CIT: variants seen among roughly 807,000 people sequenced by gnomAD.
CIT encodes the protein citron Rho-interacting kinase.
In CIT, 79 loss-of-function variants were observed where a neutral mutation model predicts 272.7. The observed-to-expected ratio is 0.29, with a 90% CI of 0.24 to 0.35. CIT has a LOEUF of 0.35. Ranked by LOEUF, CIT falls within the 10% of genes least tolerant of loss-of-function variation. CIT has a pLI of 1.00. For synonymous variants in CIT, 948 were observed against 995.6 expected, an observed-to-expected ratio of 0.95 and a Z score of 0.90; for missense variants, 1,909 against 2,618.3, an observed-to-expected ratio of 0.73 and a Z score of 5.91.
At chr12:119,759,209 G>A (rs1354886890) in intron 20 of CIT, among the ~76,000 whole-genome samples, 1 of 152,230 alleles carries the variant, frequency 6.6e-6, no homozygotes, top group Non-Finnish European at 1.5e-5. Flanking sequence ...AGGCCGCACA[G>A]CAGGAGGTGA....
At chr12:119,844,383 A>C (rs544911607) in intron 5 of CIT, among the ~76,000 whole-genome samples, 1 of 152,282 alleles carries the variant, frequency 6.6e-6, no homozygotes, top group African/African-American at 2.4e-5. Context: ...CTTGTAATCA[A>C]ACACACTCAT....
In CIT at chr12:119,758,691, C is replaced by T; in HGVS notation, c.2431G>A (p.Ala811Thr). 2 of 1,609,320 alleles carry T rather than the reference C, an allele frequency of 1.2e-6. No homozygotes were observed. Among genetic ancestry groups the T allele is most frequent in the South Asian group, 2.2e-5 (2 of 90,990 alleles). Residue 811 changes from alanine to threonine, a missense_variant, in exon 21 of 48, where the codon GCT becomes ACT. Physicochemically the swap from Ala to Thr is moderately conservative, Grantham distance 58 (BLOSUM62 0). Around this residue, in one of 8 missense-constraint regions of CIT, gnomAD observed 530 missense variants for 822.4 expected, o/e 0.64. Transcript: ENST00000392521. The part of the protein sequence containing the change: ...ILSEQKAMIN[A>T]MDSKIRSLEQ... Reference sequence around the variant, plus strand: ...AGGGATCTGATCTTGGAATCCATAGCATTGATCATCTGAAACACAGGGCAC... The same window carrying T: ...AGGGATCTGATCTTGGAATCCATAGTATTGATCATCTGAAACACAGGGCAC...
At chr12:119,815,558 T>A (rs1453061236) in intron 9 of CIT, among the ~76,000 whole-genome samples, 1 of 151,848 alleles carries the variant, frequency 6.6e-6, no homozygotes, top group Non-Finnish European at 1.5e-5. Flanking sequence ...AATACAAAAT[T>A]AGCCAAGCAT....
At chr12:119,722,795 T>C (rs920376345) in intron 28 of CIT, among the ~76,000 whole-genome samples, 7 of 152,184 alleles carry the variant, frequency 4.6e-5, no homozygotes, top group African/African-American at 1.7e-4. Context: ...CTCCATCTCC[T>C]TTGTCCTTCT....
rs1387111552 is a variant in CIT at position 119,730,480 on chromosome 12, G to C, written c.3486+15C>G. Reference sequence around the variant, plus strand: ...GAAAATGTTTTCCTAAAAAGCAGAAGGGGTGGGCGCTGACCTTGTCAGAGA... The same window carrying C: ...GAAAATGTTTTCCTAAAAAGCAGAACGGGTGGGCGCTGACCTTGTCAGAGA... On this transcript the variant is annotated intron_variant, in intron 27 of 47. Coordinates refer to ENST00000392521, the MANE Select transcript of CIT (RefSeq NM_001206999.2). 1 of 1,565,306 alleles carries C rather than the reference G, an allele frequency of 6.4e-7. No homozygotes were observed. Among genetic ancestry groups the C allele is most frequent in the Non-Finnish European group, 8.7e-7 (1 of 1,152,226 alleles).
At chr12:119,871,454 A>G (rs112887306) in intron 2 of CIT, among the ~76,000 whole-genome samples, 3 of 152,292 alleles carry the variant, frequency 2.0e-5, no homozygotes, top group African/African-American at 4.8e-5. Flanking sequence ...GGAGAATTTA[A>G]GAAAAACAAA....
intron 3 of CIT, among the ~76,000 whole-genome samples, chr12:119,863,548 G>A (rs1950427846): frequency 1.3e-5 from 2 of 151,726 alleles, no homozygotes; most frequent in Non-Finnish European, 2.9e-5. Flanking sequence ...TTTGTTTTGA[G>A]ACGGAGTCTT....
At chr12:119,788,727 G>A (rs1965027132) in intron 10 of CIT, among the ~76,000 whole-genome samples, 1 of 152,084 alleles carries the variant, frequency 6.6e-6, no homozygotes, top group Non-Finnish European at 1.5e-5. Flanking sequence ...GAGGAGATGT[G>A]CAGCCCCCAC....
At chr12:119,842,480 C>T (rs1007099466) in intron 5 of CIT, among the ~76,000 whole-genome samples, 1 of 151,080 alleles carries the variant, frequency 6.6e-6, no homozygotes, top group African/African-American at 2.4e-5. Flanking sequence ...TGGAAGGACA[C>T]TGATGAAGGC....
chr12:119,706,665 C>T (rs901064208), intron 40 of CIT, among the ~76,000 whole-genome samples: 3 of 152,246 alleles, frequency 2.0e-5, no homozygotes, highest in South Asian at 2.1e-4. Context: ...ATATGTACCA[C>T]ATTTTCTTTA....
intron 40 of CIT, among the ~76,000 whole-genome samples, chr12:119,705,716 G>A (rs143545017): frequency 0.026 from 3,634 of 140,218 alleles, 150 homozygotes; most frequent in African/African-American, 0.089. Flanking sequence ...AGGCTGCAGT[G>A]AGCCAAGATC....
Position 119,757,362 on chromosome 12 carries a change from C to CG in CIT, c.2706+8dup. The CG allele has an allele frequency of 6.2e-7, 1 of 1,613,478 alleles. No individual in the cohort carries two copies. The highest frequency in any genetic ancestry group is 1.1e-5 in the South Asian group (1 of 91,022). On this transcript the variant is annotated intron_variant, in intron 22 of 47. Coordinates refer to ENST00000392521, the MANE Select transcript of CIT (RefSeq NM_001206999.2). Reference sequence around the variant, plus strand: ...CAAATCCTCCCAGGAGATGACTCCTCGCTCTCACCTCCCGCAATCTTGTCT... The same window carrying CG: ...CAAATCCTCCCAGGAGATGACTCCTCGGCTCTCACCTCCCGCAATCTTGTCT...
intron 2 of CIT, among the ~76,000 whole-genome samples, chr12:119,873,614 G>A (rs1449241055): frequency 6.6e-6 from 1 of 152,104 alleles, no homozygotes; most frequent in African/African-American, 2.4e-5. Context: ...TGATAAAGGG[G>A]CTGAAACGTG....
intron 28 of CIT, among the ~76,000 whole-genome samples, chr12:119,726,850 T>C (rs1297403618): frequency 6.6e-6 from 1 of 152,196 alleles, no homozygotes; most frequent in Non-Finnish European, 1.5e-5. Context: ...CTCAGAGTTC[T>C]GTGAAAAGGT....
At chr12:119,703,911 C>T (rs1956729539) in intron 41 of CIT, among the ~76,000 whole-genome samples, 1 of 152,206 alleles carries the variant, frequency 6.6e-6, no homozygotes, top group Non-Finnish European at 1.5e-5. Context: ...AAAGAAGGAG[C>T]TCCCTAATTA....
intron 5 of CIT, among the ~76,000 whole-genome samples, chr12:119,843,995 T>A (rs1969603800): frequency 6.6e-6 from 1 of 151,906 alleles, no homozygotes; most frequent in East Asian, 1.9e-4. Context: ...TTTTTCAGAT[T>A]TTAGAAAGGT....
Position 119,731,813 on chromosome 12 carries a change from A to AATAT in CIT, c.3351-1187_3351-1184dup, listed in dbSNP as rs57327382. 1.1e-3 allele frequency among the ~76,000 whole-genome samples: 160 copies of AATAT among 139,132 alleles called. 2 individuals are homozygous for AATAT. Among genetic ancestry groups the AATAT allele is most frequent in the African/African-American group, 3.2e-3 (115 of 36,032 alleles). The allele number at this position is 139,132 out of a possible 152,430, so 91.3% of individuals were successfully genotyped here. A position where few individuals can be genotyped will look rare whatever the true frequency, so the allele number is the denominator to read the frequency against. On this transcript the variant is annotated intron_variant, in intron 26 of 47. Transcript: ENST00000392521. Reference sequence around the variant, plus strand: ...AAAGCATAACTGTATTTCTCTCCTAAATATATATATATATATATATATATA... The same window carrying AATAT: ...AAAGCATAACTGTATTTCTCTCCTAAATATATATATATATATATATATATATATA...
intron 5 of CIT, among the ~76,000 whole-genome samples, chr12:119,835,825 C>T (rs1355876242): frequency 6.6e-6 from 1 of 152,154 alleles, no homozygotes; most frequent in East Asian, 1.9e-4. Flanking sequence ...CAACCCCAAA[C>T]CAGAGACCCC....
chr12:119,727,500 C>T (rs971600021), intron 28 of CIT, among the ~76,000 whole-genome samples: 18 of 152,180 alleles, frequency 1.2e-4, no homozygotes, highest in African/African-American at 4.1e-4. Context: ...CTATCGGGTA[C>T]GATATACACT....
Sources: gnomAD v4.1 joint callset for allele counts (sites outside exome capture counted in the v4.1 genomes callset) on GRCh38, gnomAD v4.1.1 for gene constraint, gnomAD v4.1.1 regional missense constraint, MANE v1.5 for transcripts, NCBI Gene and HGNC (gene_info 2026-07-23, HGNC 2026-07-21) for gene names.